Variants in P2RX5 observed in about 807,000 individuals in gnomAD.
P2RX5 encodes purinergic receptor P2X 5, also known as P2X purinoceptor 5.
Under a neutral mutation model 54.1 loss-of-function variants are expected in P2RX5, and 46 were observed. That is an observed-to-expected ratio of 0.85 (90% CI 0.67 to 1.09). The LOEUF (loss-of-function observed/expected upper bound fraction) is 1.09, where lower values mean the gene tolerates loss of function less well. P2RX5 is among the 50% of genes least tolerant of loss of function. P2RX5 has a pLI of 0.00. For synonymous variants in P2RX5, 226 were observed against 226.4 expected (o/e 1.00, Z 0.02); for missense variants, 566 against 549.8 (o/e 1.03, Z -0.29).
upstream of P2RX5, among the ~76,000 whole-genome samples, chr17:3,699,150 C>T (rs2050799467): frequency 6.6e-6 from 1 of 151,700 alleles, no homozygotes; most frequent in African/African-American, 2.4e-5. Context: ...AATCCTAGCA[C>T]CTTGGGAGGC....
upstream of P2RX5, among the ~76,000 whole-genome samples, chr17:3,698,816 G>A (rs1180611587): frequency 6.6e-6 from 1 of 152,030 alleles, no homozygotes; most frequent in Non-Finnish European, 1.5e-5. Context: ...ACAGGACCAG[G>A]CCCATCCTTA....
At chr17:3,707,407 C>T in the P2RX5 span, among the ~76,000 whole-genome samples, 4 of 152,218 alleles carry the variant, frequency 2.6e-5, no homozygotes, top group East Asian at 5.8e-4. Context: ...GTTCTTCATC[C>T]GGGAGCCAAA....
intron 8 of P2RX5, 83 bp from the exon 9 acceptor site, chr17:3,688,188 CT>C: frequency 2.6e-6 from 2 of 770,404 alleles, no homozygotes; most frequent in Non-Finnish European, 2.3e-6. Flanking sequence ...GCTCTGGGGA[CT>C]TAGAAGGACT....
the P2RX5 span, among the ~76,000 whole-genome samples, chr17:3,713,442 G>A: frequency 0.53 from 80,403 of 151,978 alleles, 22,145 homozygotes; most frequent in African/African-American, 0.64. Context: ...AAACCTTGCT[G>A]CAGAGTGTTT....
the P2RX5 span, among the ~76,000 whole-genome samples, chr17:3,719,765 T>C: frequency 1.3e-5 from 2 of 152,226 alleles, no homozygotes; most frequent in Non-Finnish European, 1.5e-5. Context: ...TCTCACTCTA[T>C]CACTGAGGCT....
At chr17:3,689,290 G>A (rs2143000382) in intron 7 of P2RX5, among the ~76,000 whole-genome samples, 1 of 143,952 alleles carries the variant, frequency 6.9e-6, no homozygotes, top group South Asian at 2.4e-4. Flanking sequence ...GGGGGCAGGT[G>A]ACTTTGCAGG....
the P2RX5 span, among the ~76,000 whole-genome samples, chr17:3,701,672 C>G: frequency 7.7e-5 from 10 of 130,392 alleles, no homozygotes; most frequent in East Asian, 1.9e-3. Context: ...CCAGCCTGGG[C>G]AGCAAGAGTG....
At chr17:3,684,568 C>G (rs1449990458) in intron 9 of P2RX5, among the ~76,000 whole-genome samples, 1 of 152,238 alleles carries the variant, frequency 6.6e-6, no homozygotes, top group African/African-American at 2.4e-5. Flanking sequence ...TGCCACTGCA[C>G]TCCAGCCTGG....
At chr17:3,688,361 C>T (rs1420671878) in intron 8 of P2RX5, among the ~76,000 whole-genome samples, 5 of 152,180 alleles carry the variant, frequency 3.3e-5, no homozygotes, top group Non-Finnish European at 7.3e-5. Flanking sequence ...CGCCAAAGCG[C>T]GGATGGAAAG....
chr17:3,674,338 CAAA>C (rs11419219), intron 11 of P2RX5, among the ~76,000 whole-genome samples: 19 of 146,234 alleles, frequency 1.3e-4, no homozygotes, highest in African/African-American at 4.8e-4. Context: ...AAAAAAAATA[CAAA>C]AAAAAAAGCC....
the P2RX5 span, among the ~76,000 whole-genome samples, chr17:3,709,609 T>A: frequency 6.6e-6 from 1 of 152,078 alleles, no homozygotes; most frequent in Non-Finnish European, 1.5e-5. Context: ...TCTCCAAAAG[T>A]AAAAGTTAAA....
chr17:3,678,073 T>C, intron 11 of P2RX5: 6 of 985,460 alleles, frequency 6.1e-6, no homozygotes, highest in Non-Finnish European at 7.2e-6. Context: ...CCAGCAGCCC[T>C]GGCTACATCT....
In P2RX5 at chr17:3,679,781, GC is replaced by G; in HGVS notation, c.1067del (p.Gly356AlafsTer2). 1 of 1,609,320 alleles carries G rather than the reference GC, an allele frequency of 6.2e-7. No homozygotes were observed. On this transcript the variant is annotated frameshift_variant and splice_region_variant, in exon 11 of 12. Transcript: ENST00000225328. LOFTEE classifies it high-confidence loss of function. ...CGGCCTCCTGGGAACTGTCTTCTAGGCCCCTGGACAAGATACAAGCTGTTCA... is the reference window on the plus strand; with the variant it reads ...CGGCCTCCTGGGAACTGTCTTCTAGGCCCTGGACAAGATACAAGCTGTTCA... ...YRDKKYEEVR[G>X]LEDSSQEAED...
At chr17:3,716,720 C>T in the P2RX5 span, 34 of 1,609,540 alleles carry the variant, frequency 2.1e-5, no homozygotes, top group Admixed American at 5.7e-4. Context: ...ACGATCAACA[C>T]CAGAAGTCCA....
chr17:3,683,122 G>A (rs1260852373), intron 9 of P2RX5, among the ~76,000 whole-genome samples: 2 of 152,108 alleles, frequency 1.3e-5, no homozygotes, highest in African/African-American at 2.4e-5. Flanking sequence ...CGTGCCCTAC[G>A]GACCAGAGCG....
chr17:3,700,216 T>C (rs1471488769), upstream of P2RX5, among the ~76,000 whole-genome samples: 2 of 152,182 alleles, frequency 1.3e-5, no homozygotes, highest in African/African-American at 4.8e-5. Flanking sequence ...ATGAGGACTT[T>C]GCTTTTTACA....
the P2RX5 span, among the ~76,000 whole-genome samples, chr17:3,719,267 G>A: frequency 4.2e-3 from 556 of 131,088 alleles, 2 homozygotes; most frequent in East Asian, 0.032. Context: ...GAAAAGAAAA[G>A]AAAAAGAAAT....
intron 9 of P2RX5, among the ~76,000 whole-genome samples, chr17:3,683,033 G>A (rs2050329274): frequency 6.6e-6 from 1 of 151,932 alleles, no homozygotes; most frequent in African/African-American, 2.4e-5. Context: ...TCTCAAAAGA[G>A]ACAAAAACAA....
the P2RX5 span, chr17:3,717,142 G>A: frequency 4.1e-4 from 93 of 228,724 alleles, no homozygotes; most frequent in Non-Finnish European, 6.8e-4. Flanking sequence ...CTGTCACGCC[G>A]CTACACTGCT....
Sources: allele counts gnomAD v4.1 joint callset (sites outside exome capture counted in the v4.1 genomes callset), GRCh38; gene constraint gnomAD v4.1.1; transcripts MANE v1.5; gene names NCBI Gene and HGNC (gene_info 2026-07-23, HGNC 2026-07-21).